Variants in MEGF11 observed in about 807,000 individuals in gnomAD.
MEGF11 encodes the protein multiple EGF like domains 11.
Under a neutral mutation model 146.6 loss-of-function variants are expected in MEGF11, and 126 were observed. The ratio of observed to expected loss-of-function variants is 0.86; its 90% CI spans 0.74 to 1.00. The LOEUF (loss-of-function observed/expected upper bound fraction) is 1.00. Among genes scored for constraint, MEGF11 ranks in the 50% least tolerant of loss-of-function variants. The pLI is 0.00. For missense variants in MEGF11, 1,509 were observed against 1,521.2 expected (o/e 0.99, Z 0.13); for synonymous variants, 532 against 583.4 (o/e 0.91, Z 1.27).
At chr15:66,184,600 C>A (rs1297734987) in intron 1 of MEGF11, among the ~76,000 whole-genome samples, 1 of 137,116 alleles carries the variant, frequency 7.3e-6, no homozygotes, top group Non-Finnish European at 1.6e-5. Context: ...ACCTTAAAAT[C>A]CTTCAAGATG....
intron 5 of MEGF11, among the ~76,000 whole-genome samples, chr15:66,004,986 C>CT (rs1413138855): frequency 6.6e-6 from 1 of 152,172 alleles, no homozygotes; most frequent in East Asian, 1.9e-4. Context: ...ACTTGGGAGG[C>CT]TGAAGCAGGT....
At chr15:66,217,547 G>A (rs569248548) in intron 1 of MEGF11, among the ~76,000 whole-genome samples, 81 of 152,346 alleles carry the variant, frequency 5.3e-4, no homozygotes, top group Middle Eastern at 3.4e-3. Flanking sequence ...TGTAGAGGTG[G>A]CCAACATGCA....
At chr15:66,158,776 G>A (rs1308740730) in intron 1 of MEGF11, among the ~76,000 whole-genome samples, 1 of 152,108 alleles carries the variant, frequency 6.6e-6, no homozygotes, top group African/African-American at 2.4e-5. Flanking sequence ...CTTCACCTTT[G>A]GGTACCTGAA....
chr15:66,039,651 G>T (rs1358001078), intron 5 of MEGF11, among the ~76,000 whole-genome samples: 1 of 152,136 alleles, frequency 6.6e-6, no homozygotes, highest in Non-Finnish European at 1.5e-5. Context: ...TCCCACCCCT[G>T]CTTTCTCCAC....
In MEGF11 at chr15:66,200,795, A is replaced by ACAT. The variant is rs2091138132; in HGVS notation, c.-9+52809_-9+52810insATG. ...GGGGTGCAGAAGTGGGCCGGGTATGAGCAAGCTCACTCTGAGGTAGGGGTT... is the reference window on the plus strand; with the variant it reads ...GGGGTGCAGAAGTGGGCCGGGTATGACATGCAAGCTCACTCTGAGGTAGGGGTT... On this transcript the variant is annotated intron_variant, in intron 1 of 25. Coordinates refer to ENST00000395614, the MANE Select transcript of MEGF11 (RefSeq NM_001385028.1). 2.0e-5 allele frequency among the ~76,000 whole-genome samples: 3 copies of ACAT among 152,264 alleles called. No individual in the cohort carries two copies. In the South Asian group the frequency reaches 6.2e-4, roughly 32 times the overall value.
At chr15:66,151,215 T>G (rs1008987669) in intron 1 of MEGF11, among the ~76,000 whole-genome samples, 2 of 151,910 alleles carry the variant, frequency 1.3e-5, no homozygotes, top group African/African-American at 4.8e-5. Context: ...CTGACCAAAG[T>G]CCCCAGAAAT....
chr15:66,202,608 G>A (rs1210298255), intron 1 of MEGF11, among the ~76,000 whole-genome samples: 2 of 152,220 alleles, frequency 1.3e-5, no homozygotes, highest in East Asian at 1.9e-4. Context: ...CTTTCCCTCA[G>A]TATCTCTGAG....
intron 21 of MEGF11, chr15:65,910,073 G>A: frequency 1.6e-6 from 1 of 616,974 alleles, no homozygotes; most frequent in Non-Finnish European, 3.0e-6. Context: ...GAGCCAAGCT[G>A]GCCCTGACAG....
At chr15:66,229,287 A>G (rs921456503) in intron 1 of MEGF11, among the ~76,000 whole-genome samples, 16 of 151,980 alleles carry the variant, frequency 1.1e-4, no homozygotes, top group African/African-American at 2.7e-4. Flanking sequence ...CCCAGCCCCA[A>G]TGCGCACCAG....
chr15:66,065,259 A>G (rs2140434069), intron 5 of MEGF11, among the ~76,000 whole-genome samples: 1 of 152,186 alleles, frequency 6.6e-6, no homozygotes, highest in East Asian at 1.9e-4. Context: ...AAGCTAGGAA[A>G]TGATGGAACA....
chr15:65,913,899 C>T lies in MEGF11; in HGVS notation c.2548G>A (p.Gly850Ser), dbSNP rs1265034612. Residue 850 changes from glycine to serine, a missense_variant, in exon 20 of 26, where the codon GGT becomes AGT. Physicochemically the swap from Gly to Ser is moderately conservative, Grantham distance 56. Coordinates refer to ENST00000395614, the MANE Select transcript of MEGF11 (RefSeq NM_001385028.1). ...AGGAGCATGATGCCTGTGACAGCAC[C>T]CACCGAGTGCCGCTCTGCACCCAGT... ...PALGAERHSV[G>S]AVTGIMLLLF... 3 of 1,613,886 alleles carry T rather than the reference C, an allele frequency of 1.9e-6. No homozygotes were observed. The highest frequency in any genetic ancestry group is 1.3e-5 in the African/African-American group (1 of 74,928).
intron 1 of MEGF11, among the ~76,000 whole-genome samples, chr15:66,188,576 C>T (rs2090776871): frequency 6.6e-6 from 1 of 152,206 alleles, no homozygotes; most frequent in Non-Finnish European, 1.5e-5. Context: ...GGTTTCCCCT[C>T]TCTGCAGATG....
intron 5 of MEGF11, among the ~76,000 whole-genome samples, chr15:66,023,903 C>T (rs933990059): frequency 2.6e-5 from 4 of 152,080 alleles, no homozygotes; most frequent in Admixed American, 6.5e-5. Flanking sequence ...TGGTGAGGGT[C>T]GGTCTGAAGG....
At chr15:66,154,190 T>C (rs2089668512) in intron 1 of MEGF11, among the ~76,000 whole-genome samples, 2 of 152,218 alleles carry the variant, frequency 1.3e-5, no homozygotes, top group Non-Finnish European at 2.9e-5. Flanking sequence ...AATGATAGTG[T>C]AACCCTTGCT....
In MEGF11 at chr15:65,929,798, C is replaced by G; in HGVS notation, c.1494G>C (p.Gly498=). 1.9e-6 allele frequency: 3 copies of G among 1,569,824 alleles called. No homozygotes were observed. The highest frequency in any genetic ancestry group is 1.7e-4 in the Middle Eastern group (1 of 6,024). ...AGCCGTCTATGGGGCTGCAGGCTGC[C>G]CCATTGGCACAGGTGCAGCTCTCGT... ...NCNESCTCAN[G]AACSPIDGSC... The change falls in exon 12 of 26, where the codon GGG becomes GGC. Residue 498 remains glycine, a synonymous_variant. Transcript: ENST00000395614.
intron 8 of MEGF11, among the ~76,000 whole-genome samples, chr15:65,965,609 T>TCTTTCC (rs1567180128): frequency 1.2e-5 from 1 of 80,364 alleles, no homozygotes; most frequent in Non-Finnish European, 2.8e-5. Flanking sequence ...TCTTTTTTTT[T>TCTTTCC]TTTCTTTTTT....
chr15:66,011,069 G>C (rs969872746), intron 5 of MEGF11, among the ~76,000 whole-genome samples: 1 of 152,200 alleles, frequency 6.6e-6, no homozygotes, highest in South Asian at 2.1e-4. Flanking sequence ...GCAGTCACAG[G>C]TGGTGACCAT....
At chr15:66,147,196 G>A (rs1267958846) in intron 1 of MEGF11, among the ~76,000 whole-genome samples, 1 of 152,134 alleles carries the variant, frequency 6.6e-6, no homozygotes, top group African/African-American at 2.4e-5. Flanking sequence ...CAGAAGCCCA[G>A]TCCATATCAA....
chr15:66,166,779 T>C lies in MEGF11; in HGVS notation c.-8-38368A>G, dbSNP rs192533986. On this transcript the variant is annotated intron_variant, in intron 1 of 25. Transcript: ENST00000395614. ...GTCATCGTCTCTGAAATGCTCTCTC[T>C]GACCCTGTCTACACTCACTTTGGCA... 9.0e-4 allele frequency among the ~76,000 whole-genome samples: 137 copies of C among 152,186 alleles called. 1 individual carries two copies. The highest frequency in any genetic ancestry group is 3.2e-3 in the African/African-American group (131 of 41,540).
Sources: allele counts gnomAD v4.1 joint callset (sites outside exome capture counted in the v4.1 genomes callset), GRCh38; gene constraint gnomAD v4.1.1; transcripts MANE v1.5; gene names NCBI Gene and HGNC (gene_info 2026-07-23, HGNC 2026-07-21).